The following ZNF804A variants were observed in gnomAD, a reference collection of about 807,000 sequenced individuals.
ZNF804A encodes the protein zinc finger protein 804A.
Under a neutral mutation model 16.5 loss-of-function variants are expected in ZNF804A, and 2 were observed. The ratio of observed to expected loss-of-function variants is 0.12; its 90% CI spans 0.05 to 0.38. The LOEUF (loss-of-function observed/expected upper bound fraction) is 0.38, where lower values mean the gene tolerates loss of function less well. Among genes scored for constraint, ZNF804A ranks in the 10% least tolerant of loss-of-function variants. The pLI is 0.99. For missense variants in ZNF804A, 1,473 were observed against 1,390.7 expected, an observed-to-expected ratio of 1.06 and a Z score of -0.94; for synonymous variants, 534 against 489.6, an observed-to-expected ratio of 1.09 and a Z score of -1.20.
At chr2:184,844,862 C>G (rs1695490196) in intron 1 of ZNF804A, among the ~76,000 whole-genome samples, 1 of 151,712 alleles carries the variant, frequency 6.6e-6, no homozygotes, top group Non-Finnish European at 1.5e-5. Context: ...TATGTTACAC[C>G]CTTTGATATT....
chr2:184,620,301 G>T (rs531667574), intron 1 of ZNF804A, among the ~76,000 whole-genome samples: 1 of 120,654 alleles, frequency 8.3e-6, no homozygotes, highest in Admixed American at 8.1e-5. Flanking sequence ...CTACAAATAA[G>T]AGTTAAAATA....
At chr2:184,912,579 C>T (rs535462253) in intron 2 of ZNF804A, among the ~76,000 whole-genome samples, 3 of 152,116 alleles carry the variant, frequency 2.0e-5, no homozygotes, top group South Asian at 2.1e-4. Context: ...AATTAACTAG[C>T]GTTTCAATTT....
At position 184,747,305 on chromosome 2, in the gene ZNF804A, G is replaced by T. The variant is rs180788873; in HGVS notation, c.112-119064G>T. On this transcript the variant is annotated intron_variant, in intron 1 of 3. Transcript: ENST00000302277. ...TGGAAGCTTTTTTCTTCCGCTCTTT[G>T]CAATAAATCTTGCTGCAAAAAAAAA... Among the ~76,000 whole-genome samples, 3 of 108,362 alleles carry T rather than the reference G, an allele frequency of 2.8e-5. No homozygotes were observed. In the East Asian group the frequency reaches 8.1e-4, roughly 29 times the overall value. 71.1% of individuals were successfully genotyped at this position (108,362 alleles called of 152,430 possible). A position where few individuals can be genotyped will look rare whatever the true frequency, so the allele number is the denominator to read the frequency against.
intron 1 of ZNF804A, among the ~76,000 whole-genome samples, chr2:184,753,476 T>TA (rs1423520553): frequency 2.6e-5 from 4 of 151,620 alleles, no homozygotes; most frequent in Admixed American, 1.3e-4. Flanking sequence ...GATCAATGTT[T>TA]AAAAAAATGG....
At chr2:184,623,045 G>T (rs1691442631) in intron 1 of ZNF804A, among the ~76,000 whole-genome samples, 1 of 151,962 alleles carries the variant, frequency 6.6e-6, no homozygotes, top group Non-Finnish European at 1.5e-5. Context: ...AATTAGCAGT[G>T]GGTTATATGA....
At chr2:184,736,299 G>A (rs530289949) in intron 1 of ZNF804A, among the ~76,000 whole-genome samples, 19 of 152,090 alleles carry the variant, frequency 1.2e-4, no homozygotes, top group African/African-American at 4.1e-4. Context: ...ATTTTTGTTC[G>A]ATATTATTTG....
intron 1 of ZNF804A, among the ~76,000 whole-genome samples, chr2:184,609,333 T>G (rs1354752173): frequency 6.6e-6 from 1 of 152,202 alleles, no homozygotes; most frequent in African/African-American, 2.4e-5. Flanking sequence ...GAATTATGCA[T>G]GACCCTTTCT....
At chr2:184,891,417 A>G (rs1684982095) in intron 2 of ZNF804A, among the ~76,000 whole-genome samples, 1 of 152,154 alleles carries the variant, frequency 6.6e-6, no homozygotes, top group Admixed American at 6.6e-5. Context: ...TGCTCTACAG[A>G]AGTCTTCTAA....
At chr2:184,931,423 G>C (rs537893196) in intron 2 of ZNF804A, among the ~76,000 whole-genome samples, 1 of 152,202 alleles carries the variant, frequency 6.6e-6, no homozygotes, top group Non-Finnish European at 1.5e-5. Flanking sequence ...CTTGAATTGG[G>C]TGCAGCCACA....
At chr2:184,874,787 A>G (rs551581543) in intron 2 of ZNF804A, among the ~76,000 whole-genome samples, 1 of 152,270 alleles carries the variant, frequency 6.6e-6, no homozygotes, top group South Asian at 2.1e-4. Context: ...TTTCTGTCAC[A>G]CTTATGTTCT....
chr2:184,684,600 G>T (rs1346488824), intron 1 of ZNF804A, among the ~76,000 whole-genome samples: 2 of 151,918 alleles, frequency 1.3e-5, no homozygotes, highest in Non-Finnish European at 2.9e-5. Flanking sequence ...TTACATACTG[G>T]GGGGTACATG....
At chr2:184,880,110 A>G (rs967676028) in intron 2 of ZNF804A, among the ~76,000 whole-genome samples, 1 of 152,034 alleles carries the variant, frequency 6.6e-6, no homozygotes, top group African/African-American at 2.4e-5. Flanking sequence ...TCATAGTTAG[A>G]TTTTCTAAGA....
At chr2:184,909,411 A>G (rs534162837) in intron 2 of ZNF804A, among the ~76,000 whole-genome samples, 8 of 152,174 alleles carry the variant, frequency 5.3e-5, no homozygotes, top group Admixed American at 3.3e-4. Context: ...CAATTGACAA[A>G]CTAACACAAA....
intron 1 of ZNF804A, among the ~76,000 whole-genome samples, chr2:184,841,502 C>A (rs896474520): frequency 1.3e-5 from 2 of 152,050 alleles, no homozygotes; most frequent in African/African-American, 4.8e-5. Flanking sequence ...GGGTTTTTAA[C>A]AATTTATAAT....
chr2:184,695,353 C>T (rs1217121958), intron 1 of ZNF804A, among the ~76,000 whole-genome samples: 2 of 149,870 alleles, frequency 1.3e-5, no homozygotes, highest in Admixed American at 1.3e-4. Flanking sequence ...CCCAGCTACT[C>T]GGGAGGCTGA....
chr2:184,645,878 T>C (rs1264357830), intron 1 of ZNF804A, among the ~76,000 whole-genome samples: 1 of 152,164 alleles, frequency 6.6e-6, no homozygotes, highest in Non-Finnish European at 1.5e-5. Flanking sequence ...CTGATAAAAG[T>C]AAGTGAAGCC....
chr2:184,690,902 A>G (rs909998487), intron 1 of ZNF804A, among the ~76,000 whole-genome samples: 1 of 151,986 alleles, frequency 6.6e-6, no homozygotes, highest in Non-Finnish European at 1.5e-5. Flanking sequence ...GATTCTACCA[A>G]TTTTTGTTTG....
At chr2:184,776,167 G>A (rs1694282554) in intron 1 of ZNF804A, among the ~76,000 whole-genome samples, 1 of 151,360 alleles carries the variant, frequency 6.6e-6, no homozygotes, top group African/African-American at 2.4e-5. Context: ...TAAAAATCGA[G>A]GAAATATGCA....
At chr2:184,639,948 G>A (rs2105692774) in intron 1 of ZNF804A, among the ~76,000 whole-genome samples, 1 of 152,240 alleles carries the variant, frequency 6.6e-6, no homozygotes, top group African/African-American at 2.4e-5. Context: ...CTTGCAGTGA[G>A]CCGAGATCGC....
Sources: gnomAD v4.1 joint callset for allele counts (sites outside exome capture counted in the v4.1 genomes callset) on GRCh38, gnomAD v4.1.1 for gene constraint, MANE v1.5 for transcripts, NCBI Gene and HGNC (gene_info 2026-07-23, HGNC 2026-07-21) for gene names.